DTNA: variants seen among roughly 807,000 people sequenced by gnomAD.
DTNA encodes the protein dystrophin-related protein 3.
In DTNA, 43 loss-of-function variants were observed where a neutral mutation model predicts 100.7. That is an observed-to-expected ratio of 0.43 (90% CI 0.33 to 0.55). The LOEUF (loss-of-function observed/expected upper bound fraction) is 0.55, where lower values mean the gene tolerates loss of function less well. Among genes scored for constraint, DTNA ranks in the 20% least tolerant of loss-of-function variants. The probability of loss-of-function intolerance (pLI) is 0.04; values close to 1 mark genes in which losing one functional copy is unlikely to be tolerated. For synonymous variants in DTNA, 349 were observed against 347.9 expected (o/e 1.00, Z -0.04); for missense variants, 798 against 953.9 (o/e 0.84, Z 2.15).
intron 17 of DTNA, chr18:34,867,410 T>G: frequency 8.1e-7 from 1 of 1,227,754 alleles, no homozygotes; most frequent in Non-Finnish European, 1.0e-6. Flanking sequence ...TCCCCCTGGG[T>G]GAAGGACACA....
chr18:34,876,836 GAA>G (rs1258219443), intron 18 of DTNA, among the ~76,000 whole-genome samples: 1 of 152,018 alleles, frequency 6.6e-6, no homozygotes, highest in Non-Finnish European at 1.5e-5. Flanking sequence ...TTTTTAGAAA[GAA>G]AATATCCCTT....
chr18:34,552,641 T>C (rs1318996765), intron 1 of DTNA, among the ~76,000 whole-genome samples: 14 of 151,172 alleles, frequency 9.3e-5, no homozygotes, highest in African/African-American at 3.4e-4. Flanking sequence ...GGTTTTTTGT[T>C]CTTGCGATAG....
chr18:34,830,647 C>T (rs1398038575), intron 11 of DTNA, among the ~76,000 whole-genome samples: 3 of 152,156 alleles, frequency 2.0e-5, no homozygotes, highest in African/African-American at 7.2e-5. Context: ...GGCACTCTCC[C>T]TTGGTCCTTC....
In DTNA at chr18:34,818,199, G is replaced by C; in HGVS notation, c.745G>C (p.Glu249Gln). 6.2e-7 allele frequency: 1 copy of C among 1,614,086 alleles called. No individual in the cohort carries two copies. The highest frequency in any genetic ancestry group is 8.5e-7 in the Non-Finnish European group (1 of 1,179,972). The change falls in exon 8 of 23, where the codon GAG becomes CAG. Residue 249 changes from glutamate to glutamine, a missense_variant. By Grantham distance (29) the Glu-to-Gln change is conservative (BLOSUM62 2). Coordinates refer to ENST00000444659, the MANE Select transcript of DTNA (RefSeq NM_001386795.1). ...HPVECSYCHS[E>Q]SMMGFRYRCQ... ...GGTTGAGTGTTCCTACTGCCACAGT[G>C]AGAGTATGATGGGATTTCGCTACCG...
intron 1 of DTNA, among the ~76,000 whole-genome samples, chr18:34,511,925 G>C (rs1301822719): frequency 6.6e-6 from 1 of 151,990 alleles, no homozygotes; most frequent in Non-Finnish European, 1.5e-5. Flanking sequence ...ATTGGCTTGA[G>C]CTTCCACTAG....
chr18:34,642,435 T>C (rs1020478266), intron 1 of DTNA, among the ~76,000 whole-genome samples: 2 of 152,228 alleles, frequency 1.3e-5, no homozygotes, highest in Non-Finnish European at 2.9e-5. Context: ...CTTACTACCT[T>C]GGTAGAGGAG....
At chr18:34,614,189 T>C (rs1269407918) in intron 1 of DTNA, among the ~76,000 whole-genome samples, 1 of 152,188 alleles carries the variant, frequency 6.6e-6, no homozygotes, top group African/African-American at 2.4e-5. Flanking sequence ...TTTTTAAAAA[T>C]ATTTTAAGCC....
chr18:34,494,694 T>C (rs1202284736), intron 1 of DTNA, among the ~76,000 whole-genome samples: 1 of 152,086 alleles, frequency 6.6e-6, no homozygotes, highest in Non-Finnish European at 1.5e-5. Flanking sequence ...GGCGCAAATA[T>C]TGGATGTGCC....
chr18:34,496,996 A>C (rs1375780920), intron 1 of DTNA, among the ~76,000 whole-genome samples: 1 of 152,218 alleles, frequency 6.6e-6, no homozygotes, highest in Non-Finnish European at 1.5e-5. Context: ...GAGGTTTACA[A>C]AACTATCAGT....
intron 13 of DTNA, among the ~76,000 whole-genome samples, chr18:34,839,254 G>T (rs2096219368): frequency 6.6e-6 from 1 of 152,172 alleles, no homozygotes; most frequent in Non-Finnish European, 1.5e-5. Context: ...GAGTGAAAAA[G>T]AGAAAATGCG....
intron 1 of DTNA, among the ~76,000 whole-genome samples, chr18:34,691,142 C>T (rs923908341): frequency 8.5e-5 from 13 of 152,276 alleles, no homozygotes; most frequent in Middle Eastern, 3.4e-3. Flanking sequence ...CATTCTGTCA[C>T]GTCATATAGC....
At chr18:34,839,054 G>A (rs145705344) in intron 13 of DTNA, among the ~76,000 whole-genome samples, 10 of 152,260 alleles carry the variant, frequency 6.6e-5, no homozygotes, top group African/African-American at 2.2e-4. Flanking sequence ...TAGCTAAAAC[G>A]AAAACTTGCA....
At chr18:34,801,044 AC>A (rs2095190077) in intron 4 of DTNA, among the ~76,000 whole-genome samples, 2 of 152,174 alleles carry the variant, frequency 1.3e-5, no homozygotes, top group Admixed American at 6.5e-5. Flanking sequence ...AACATAAAAC[AC>A]CCTACAAATC....
intron 16 of DTNA, among the ~76,000 whole-genome samples, chr18:34,861,955 A>G (rs1406016430): frequency 2.0e-5 from 3 of 152,158 alleles, no homozygotes; most frequent in African/African-American, 4.8e-5. Context: ...TTTCTCACCT[A>G]CAGTTTTAGA....
chr18:34,548,618 C>T (rs1032391510), intron 1 of DTNA, among the ~76,000 whole-genome samples: 11 of 151,996 alleles, frequency 7.2e-5, no homozygotes, highest in Non-Finnish European at 1.6e-4. Context: ...TATCTGTGCA[C>T]ACCCTCCTTC....
chr18:34,521,929 G>A (rs1426158616), intron 1 of DTNA, among the ~76,000 whole-genome samples: 1 of 152,162 alleles, frequency 6.6e-6, no homozygotes, highest in Non-Finnish European at 1.5e-5. Flanking sequence ...CACAAGGGAA[G>A]GGATTTTTAT....
chr18:34,732,891 A>G (rs1341980155), intron 1 of DTNA, among the ~76,000 whole-genome samples: 1 of 152,152 alleles, frequency 6.6e-6, no homozygotes, highest in African/African-American at 2.4e-5. Context: ...GCATTCTGGC[A>G]CTGGGGAAAT....
chr18:34,756,965 G>T (rs1177537380), intron 2 of DTNA, among the ~76,000 whole-genome samples: 1 of 152,140 alleles, frequency 6.6e-6, no homozygotes, highest in Non-Finnish European at 1.5e-5. Flanking sequence ...TTCTACTAAA[G>T]ATTGGAAGTG....
chr18:34,697,608 G>A (rs1379532525), intron 1 of DTNA, among the ~76,000 whole-genome samples: 3 of 152,176 alleles, frequency 2.0e-5, no homozygotes, highest in Non-Finnish European at 1.5e-5. Flanking sequence ...CTTTGATGGA[G>A]AAGATGGGAT....
Sources: gnomAD v4.1 joint callset for allele counts (sites outside exome capture counted in the v4.1 genomes callset) on GRCh38, gnomAD v4.1.1 for gene constraint, MANE v1.5 for transcripts, NCBI Gene and HGNC (gene_info 2026-07-23, HGNC 2026-07-21) for gene names.